PRR16: variants seen among roughly 807,000 people sequenced by gnomAD.
PRR16 encodes proline rich 16, also known as protein Largen.
In PRR16, 6 loss-of-function variants were observed where a neutral mutation model predicts 18.2. That is an observed-to-expected ratio of 0.33 (90% CI 0.18 to 0.65). PRR16 has a LOEUF of 0.65. Among genes scored for constraint, PRR16 ranks in the 30% least tolerant of loss-of-function variants. The pLI, the probability that PRR16 is intolerant of heterozygous loss-of-function variation, is 0.74. For missense variants in PRR16, 412 were observed against 376.6 expected, an observed-to-expected ratio of 1.09 and a Z score of -0.78; for synonymous variants, 151 against 147.8, an observed-to-expected ratio of 1.02 and a Z score of -0.16.
At chr5:120,509,564 A>G (rs1278460731) in intron 1 of PRR16, among the ~76,000 whole-genome samples, 1 of 152,070 alleles carries the variant, frequency 6.6e-6, no homozygotes, top group Non-Finnish European at 1.5e-5. Context: ...TTCATTTCTC[A>G]TAGTTAAATG....
intron 1 of PRR16, chr5:120,616,968 T>G (rs1754530705): frequency 4.7e-6 from 1 of 213,644 alleles, no homozygotes; most frequent in Non-Finnish European, 8.0e-6. Context: ...CATCAGTATA[T>G]CCTATTCCTT....
chr5:120,476,908 C>T lies in PRR16; in HGVS notation c.159+12263C>T, dbSNP rs181086839. 5.9e-5 allele frequency among the ~76,000 whole-genome samples: 9 copies of T among 152,258 alleles called. No individual in the cohort carries two copies. The East Asian group carries it at 1.5e-3, about 26-fold the overall frequency. On this transcript the variant is annotated intron_variant, in intron 1 of 1. Transcript: ENST00000407149. ...CTAAATCCAGTCATATCTGTACTCT[C>T]ACTACCATACCAAAACTGCCTCTAT...
At chr5:120,674,120 C>T (rs987327524) in intron 1 of PRR16, among the ~76,000 whole-genome samples, 15 of 152,154 alleles carry the variant, frequency 9.9e-5, no homozygotes, top group African/African-American at 2.9e-4. Context: ...ACAGGGCCTC[C>T]TGAAACCTCT....
At chr5:120,738,608 T>C in the PRR16 span, among the ~76,000 whole-genome samples, 40 of 152,290 alleles carry the variant, frequency 2.6e-4, 1 homozygote, top group East Asian at 7.1e-3. Context: ...CCTATGAACA[T>C]ATAAAACCAA....
intron 1 of PRR16, among the ~76,000 whole-genome samples, chr5:120,499,854 C>T (rs1371624057): frequency 6.6e-6 from 1 of 151,664 alleles, no homozygotes; most frequent in Non-Finnish European, 1.5e-5. Context: ...TTAGGTATTA[C>T]ATTATGAGAG....
intron 1 of PRR16, among the ~76,000 whole-genome samples, chr5:120,570,093 G>A (rs1245906748): frequency 6.6e-6 from 1 of 152,052 alleles, no homozygotes; most frequent in Non-Finnish European, 1.5e-5. Context: ...CAGATTATAA[G>A]CCTCATATCT....
intron 1 of PRR16, among the ~76,000 whole-genome samples, chr5:120,470,122 C>A (rs1749221665): frequency 6.6e-6 from 1 of 152,094 alleles, no homozygotes; most frequent in Non-Finnish European, 1.5e-5. Context: ...AACTATAGAA[C>A]TTTTCTTCTG....
chr5:120,639,004 AT>A (rs550217261), intron 1 of PRR16, among the ~76,000 whole-genome samples: 82 of 152,218 alleles, frequency 5.4e-4, no homozygotes, highest in African/African-American at 1.9e-3. Context: ...TACAACTCTG[AT>A]TTTGTAACTA....
intron 1 of PRR16, among the ~76,000 whole-genome samples, chr5:120,495,870 T>A (rs926698766): frequency 6.6e-6 from 1 of 152,094 alleles, no homozygotes; most frequent in African/African-American, 2.4e-5. Context: ...AATATCCTTT[T>A]CTTTGCCCAA....
At chr5:120,609,416 ATT>A (rs1561572270) in intron 1 of PRR16, among the ~76,000 whole-genome samples, 3 of 152,046 alleles carry the variant, frequency 2.0e-5, no homozygotes, top group Admixed American at 1.3e-4. Context: ...TAAAAAAAAA[ATT>A]TTTAAAAAAG....
At chr5:120,665,044 A>C (rs915841766) in intron 1 of PRR16, among the ~76,000 whole-genome samples, 3 of 149,164 alleles carry the variant, frequency 2.0e-5, no homozygotes, top group Non-Finnish European at 4.5e-5. Flanking sequence ...TGACTTCCAC[A>C]ATGGTTGAAC....
intron 1 of PRR16, among the ~76,000 whole-genome samples, chr5:120,470,332 A>G (rs1431500460): frequency 1.3e-5 from 2 of 152,182 alleles, no homozygotes; most frequent in African/African-American, 2.4e-5. Context: ...CATGAATATT[A>G]TAGAAAGTTT....
the PRR16 span, among the ~76,000 whole-genome samples, chr5:120,757,411 T>C: frequency 6.6e-6 from 1 of 152,070 alleles, no homozygotes; most frequent in Non-Finnish European, 1.5e-5. Context: ...TTGGGCATTA[T>C]GGCCATTTTA....
Position 120,611,722 on chromosome 5 carries a change from G to A in PRR16, c.160-74232G>A, listed in dbSNP as rs375634400. 1.3e-3 allele frequency among the ~76,000 whole-genome samples: 205 copies of A among 152,344 alleles called. 7 individuals carry two copies. The South Asian group carries it at 0.041, about 30-fold the overall frequency. The stretch of plus-strand genomic sequence containing the variant: ...GCCCAGGCAAAAGTTTGCTGCAGGG[G>A]TGGGGCCCACATGGAGAACCTCTGC... On this transcript the variant is annotated intron_variant, in intron 1 of 1. Coordinates refer to ENST00000407149, the MANE Select transcript of PRR16 (RefSeq NM_001300783.2).
the PRR16 span, among the ~76,000 whole-genome samples, chr5:120,732,962 G>A: frequency 6.6e-6 from 1 of 152,132 alleles, no homozygotes; most frequent in Non-Finnish European, 1.5e-5. Context: ...TGCGTGAAAG[G>A]GTAAAGCTAT....
At chr5:120,760,408 C>T in the PRR16 span, among the ~76,000 whole-genome samples, 1 of 152,086 alleles carries the variant, frequency 6.6e-6, no homozygotes, top group East Asian at 1.9e-4. Context: ...CTCATCTATA[C>T]TTGCATCTTC....
rs140170141 is a variant in PRR16, at chr5:120,495,045, A to G, written c.159+30400A>G. Among the ~76,000 whole-genome samples, 772 of 152,244 alleles carry G rather than the reference A, an allele frequency of 5.1e-3. 5 individuals are homozygous for G. Among genetic ancestry groups the G allele is most frequent in the African/African-American group, 0.018 (736 of 41,576 alleles). ...ATTCTTCCCACTATATTCTTTTTCA[A>G]AATGGCTTTCGCTATTATAATTTAT... On this transcript the variant is annotated intron_variant, in intron 1 of 1. Transcript: ENST00000407149.
intron 1 of PRR16, among the ~76,000 whole-genome samples, chr5:120,534,566 A>T (rs965627797): frequency 2.0e-5 from 3 of 152,102 alleles, no homozygotes; most frequent in African/African-American, 4.8e-5. Context: ...CATTTTATAG[A>T]TGGAATTATG....
At chr5:120,609,068 T>G (rs1396596631) in intron 1 of PRR16, among the ~76,000 whole-genome samples, 1 of 151,976 alleles carries the variant, frequency 6.6e-6, no homozygotes, top group African/African-American at 2.4e-5. Flanking sequence ...TTCTTTTATT[T>G]CATAAGAAGA....
Sources: allele counts gnomAD v4.1 joint callset (sites outside exome capture counted in the v4.1 genomes callset), GRCh38; gene constraint gnomAD v4.1.1; transcripts MANE v1.5; gene names NCBI Gene and HGNC (gene_info 2026-07-23, HGNC 2026-07-21).